Variants in ABCB4 observed in about 807,000 individuals in gnomAD.
ABCB4 encodes the protein ATP binding cassette subfamily B member 4.
In ABCB4, 76 loss-of-function variants were observed where a neutral mutation model predicts 145.7. The ratio of observed to expected loss-of-function variants is 0.52; its 90% CI spans 0.43 to 0.63. The LOEUF is 0.63. ABCB4 is among the 30% of genes least tolerant of loss of function. The pLI is 0.00. For synonymous variants in ABCB4, 517 were observed against 566.8 expected (o/e 0.91, Z 1.25); for missense variants, 1,234 against 1,553.1 (o/e 0.79, Z 3.45).
chr7:87,402,241 C>T lies in ABCB4; in HGVS notation c.3695G>A (p.Arg1232His), dbSNP rs1160711086. Residue 1232 changes from arginine to histidine, a missense_variant, in exon 28 of 28, where the codon CGC becomes CAC. By Grantham distance (29) the Arg-to-His change is conservative (BLOSUM62 0). Around this residue, in one of 7 missense-constraint regions of ABCB4, gnomAD observed 58 missense variants for 75.9 expected, o/e 0.76. Transcript: ENST00000649586. ...EGRTCIVIAH[R>H]LSTIQNADLI... ...GTCTGCATTCTGGATGGTGGACAGG[C>T]GGTGAGCAATCACAATGCAGGTGCG... The T allele has an allele frequency of 4.3e-6, 7 of 1,613,892 alleles. No homozygotes were observed. The highest frequency in any genetic ancestry group is 2.2e-5 in the South Asian group (2 of 91,072).
At chr7:87,418,863 C>G (rs764278276) in intron 19 of ABCB4, among the ~76,000 whole-genome samples, 3 of 152,108 alleles carry the variant, frequency 2.0e-5, no homozygotes, top group Admixed American at 6.5e-5. Context: ...CAGATGGCTG[C>G]CATGCTCCTT....
At chr7:87,398,818 C>A, downstream of ABCB4, 1 of 630,326 alleles carries the variant, frequency 1.6e-6, no homozygotes. Context: ...TTTATTCTGC[C>A]ATAGAAGGTA....
chr7:87,410,022 A>G (rs1315126722), intron 23 of ABCB4, among the ~76,000 whole-genome samples: 2 of 152,214 alleles, frequency 1.3e-5, no homozygotes, highest in African/African-American at 4.8e-5. Context: ...CCCCCATGAC[A>G]TGAGTTTGCC....
Position 87,403,125 on chromosome 7 carries a change from C to CCA in ABCB4, c.3633+8_3633+9dup, listed in dbSNP as rs1562946358. On this transcript the variant is annotated intron_variant, in intron 27 of 27. Transcript: ENST00000649586. ...ATTAAATAAGACATAAGTTGGGAGGCCACACACACCTTTTCACTTTCAGTA... is the reference window on the plus strand; with the variant it reads ...ATTAAATAAGACATAAGTTGGGAGGCCACACACACACCTTTTCACTTTCAGTA... The CCA allele has an allele frequency of 6.2e-7, 1 of 1,613,990 alleles. No homozygotes were observed. Among genetic ancestry groups the CCA allele is most frequent in the South Asian group, 1.1e-5 (1 of 91,072 alleles).
At chr7:87,372,869 A>G in the ABCB4 span, among the ~76,000 whole-genome samples, 1 of 152,062 alleles carries the variant, frequency 6.6e-6, no homozygotes, top group Non-Finnish European at 1.5e-5. Flanking sequence ...TGGACATTTG[A>G]GTTGTTTCTA....
Position 87,447,139 on chromosome 7 carries a change from G to A in ABCB4, c.900C>T (p.Ser300=), listed in dbSNP as rs1811400769. Residue 300 remains serine (S), a synonymous_variant, in exon 9 of 28, where the codon TCC becomes TCT. Transcript: ENST00000649586. Reference sequence around the variant, plus strand: ...ATATTAACAGGAAGGCAATACCCATGGAAATGTTTGCTGAAATAGCTTTTT... The same window carrying A: ...ATATTAACAGGAAGGCAATACCCATAGAAATGTTTGCTGAAATAGCTTTTT... The part of the protein sequence containing the change: ...GIKKAISANI[S]MGIAFLLIYA... 1.2e-6 allele frequency: 2 copies of A among 1,613,836 alleles called. No homozygotes were observed.
chr7:87,384,888 T>G, the ABCB4 span, among the ~76,000 whole-genome samples: 1 of 152,234 alleles, frequency 6.6e-6, no homozygotes, highest in Non-Finnish European at 1.5e-5. Context: ...TTGAATTTTG[T>G]ACACGGTAAG....
At chr7:87,404,266 C>T (rs1808021823) in intron 26 of ABCB4, among the ~76,000 whole-genome samples, 1 of 152,074 alleles carries the variant, frequency 6.6e-6, no homozygotes. Flanking sequence ...CCCAGTGGAA[C>T]CCCGAATGCT....
At chr7:87,375,971 C>CTTTTT in the ABCB4 span, 4 of 1,302,174 alleles carry the variant, frequency 3.1e-6, no homozygotes, top group Non-Finnish European at 4.1e-6. Flanking sequence ...ACTACCTTCT[C>CTTTTT]TTTTTTTTTT....
chr7:87,386,654 G>A, the ABCB4 span, among the ~76,000 whole-genome samples: 1 of 152,158 alleles, frequency 6.6e-6, no homozygotes, highest in Non-Finnish European at 1.5e-5. Context: ...TGGACTTGGA[G>A]TGTCTGCAAC....
the ABCB4 span, chr7:87,376,043 AC>A: frequency 1.6e-6 from 2 of 1,275,686 alleles, no homozygotes; most frequent in Non-Finnish European, 2.1e-6. Flanking sequence ...TTCTTTTTCT[AC>A]CTTTAGGCTC....
chr7:87,397,897 T>C (rs1480365525), downstream of ABCB4, among the ~76,000 whole-genome samples: 1 of 152,236 alleles, frequency 6.6e-6, no homozygotes, highest in Non-Finnish European at 1.5e-5. Context: ...CTATAGAAAC[T>C]TCTGTCTGTA....
intron 8 of ABCB4, 55 bp from the exon 9 acceptor site, chr7:87,447,260 C>T (rs561039500): frequency 4.5e-6 from 7 of 1,557,264 alleles, no homozygotes; most frequent in East Asian, 2.3e-5. Flanking sequence ...ATCCATAGTC[C>T]GAGTCACACT....
rs767735294 is a variant in ABCB4, at chr7:87,422,029, C to G, written c.2316+92G>C. 30 of 932,374 alleles carry G rather than the reference C, an allele frequency of 3.2e-5. 1 individual carries two copies. Among genetic ancestry groups the G allele is most frequent in the Non-Finnish European group, 4.5e-5 (27 of 594,428 alleles). 57.8% of individuals were successfully genotyped at this position (932,374 alleles called of 1,614,324 possible). A position where few individuals can be genotyped will look rare whatever the true frequency, so the allele number is the denominator to read the frequency against. On this transcript the variant is annotated intron_variant, in intron 18 of 27. Coordinates refer to ENST00000649586, the MANE Select transcript of ABCB4 (RefSeq NM_000443.4). The stretch of plus-strand genomic sequence containing the variant: ...TGCCAATCATGTTTGCAATTTATTT[C>G]ACTGTAAGAATTTGGAAGCTCCATT...
chr7:87,452,084 A>C (rs1281159577), intron 6 of ABCB4, among the ~76,000 whole-genome samples: 2 of 152,228 alleles, frequency 1.3e-5, no homozygotes, highest in Non-Finnish European at 2.9e-5. Context: ...ATCTGTTTAA[A>C]AGCAAGAATT....
At chr7:87,386,579 A>T in the ABCB4 span, among the ~76,000 whole-genome samples, 14 of 152,114 alleles carry the variant, frequency 9.2e-5, no homozygotes, top group South Asian at 2.9e-3. Flanking sequence ...ATTTGTCAAT[A>T]TTGTTTATCT....
Position 87,406,462 on chromosome 7 carries a change from A to G in ABCB4, c.3312T>C (p.Asn1104=), listed in dbSNP as rs769355096. The change falls in exon 26 of 28, where the codon AAT becomes AAC. Residue 1104 remains asparagine (N), a synonymous_variant. Transcript: ENST00000649586. ...LLDGQEAKKL[N]VQWLRAQLGI... Reference sequence around the variant, plus strand: ...CGAGTTGAGCTCTGAGCCACTGGACATTGAGTTTCTTTGCTTCTTGACCAT... The same window carrying G: ...CGAGTTGAGCTCTGAGCCACTGGACGTTGAGTTTCTTTGCTTCTTGACCAT... 1 of 1,614,092 alleles carries G rather than the reference A, an allele frequency of 6.2e-7. No individual in the cohort carries two copies. The highest frequency in any genetic ancestry group is 1.7e-5 in the Admixed American group (1 of 60,016).
chr7:87,386,855 C>T, the ABCB4 span, among the ~76,000 whole-genome samples: 1 of 152,116 alleles, frequency 6.6e-6, no homozygotes, highest in African/African-American at 2.4e-5. Flanking sequence ...CCCATTGTCT[C>T]TGGCTGCCTT....
At chr7:87,398,065 C>T (rs1807599836), downstream of ABCB4, among the ~76,000 whole-genome samples, 1 of 150,702 alleles carries the variant, frequency 6.6e-6, no homozygotes, top group African/African-American at 2.4e-5. Flanking sequence ...CTTTTTGACT[C>T]CTAGAAATAG....
Sources: allele counts gnomAD v4.1 joint callset (sites outside exome capture counted in the v4.1 genomes callset), GRCh38; gene constraint gnomAD v4.1.1; regional missense constraint gnomAD v4.1.1; transcripts MANE v1.5; gene names NCBI Gene and HGNC (gene_info 2026-07-23, HGNC 2026-07-21).